IL1RAP: variants seen among roughly 807,000 people sequenced by gnomAD.
IL1RAP encodes interleukin-1 receptor accessory protein.
Under a neutral mutation model 60.7 loss-of-function variants are expected in IL1RAP, and 35 were observed. The ratio of observed to expected loss-of-function variants is 0.58; its 90% CI spans 0.44 to 0.76. The LOEUF is 0.76. Ranked by LOEUF, IL1RAP falls within the 30% of genes least tolerant of loss-of-function variation. The pLI is 0.00. For missense variants in IL1RAP, 572 were observed against 693.9 expected (o/e 0.82, Z 1.97); for synonymous variants, 268 against 250.9 (o/e 1.07, Z -0.64).
chr3:190,612,266 TA>T (rs1205904593), intron 5 of IL1RAP, among the ~76,000 whole-genome samples: 2 of 152,034 alleles, frequency 1.3e-5, no homozygotes, highest in Non-Finnish European at 2.9e-5. Context: ...AAAAGATGGT[TA>T]AAAAATAATA....
At chr3:190,656,503 A>T (rs1560251996), downstream of IL1RAP, 2 of 1,537,162 alleles carry the variant, frequency 1.3e-6, no homozygotes, top group South Asian at 1.2e-5. Context: ...AACTCAATGG[A>T]TACAAAATGG....
intron 9 of IL1RAP, among the ~76,000 whole-genome samples, chr3:190,632,088 C>G (rs1349134218): frequency 6.6e-6 from 1 of 152,014 alleles, no homozygotes; most frequent in Non-Finnish European, 1.5e-5. Flanking sequence ...CAGGTGTGAG[C>G]CACCACGCCC....
intron 1 of IL1RAP, among the ~76,000 whole-genome samples, chr3:190,520,763 C>A (rs529077371): frequency 9.2e-5 from 14 of 152,312 alleles, no homozygotes; most frequent in African/African-American, 3.4e-4. Context: ...TTCTACCTTT[C>A]TGGCACAAAA....
At chr3:190,621,804 G>A (rs1394624483) in intron 6 of IL1RAP, among the ~76,000 whole-genome samples, 2 of 141,688 alleles carry the variant, frequency 1.4e-5, no homozygotes, top group African/African-American at 2.9e-5. Context: ...GAAAAACCAA[G>A]TAACTTTGCT....
In IL1RAP at chr3:190,577,615, C is replaced by T. The variant is rs77906786; in HGVS notation, c.64+13262C>T. 2.9e-3 allele frequency among the ~76,000 whole-genome samples: 449 copies of T among 152,286 alleles called. 3 individuals are homozygous for T. Among genetic ancestry groups the T allele is most frequent in the African/African-American group, 0.01 (431 of 41,554 alleles). On this transcript the variant is annotated intron_variant, in intron 3 of 11. Transcript: ENST00000447382. Reference sequence around the variant, plus strand: ...TAGGCTAGAGTGCTCACTGCAGCCTCAAATTCCTGTGCTCAAGAGGTTCTC... The same window carrying T: ...TAGGCTAGAGTGCTCACTGCAGCCTTAAATTCCTGTGCTCAAGAGGTTCTC...
chr3:190,564,105 CA>C (rs753280949), intron 2 of IL1RAP, 183 bp from the exon 3 acceptor site: 2 of 564,208 alleles, frequency 3.5e-6, no homozygotes, highest in Non-Finnish European at 6.4e-6. Flanking sequence ...AAACAAACAA[CA>C]AAAAAACAGA....
At chr3:190,517,370 A>G (rs1291768307) in intron 1 of IL1RAP, among the ~76,000 whole-genome samples, 2 of 152,170 alleles carry the variant, frequency 1.3e-5, no homozygotes, top group Admixed American at 1.3e-4. Context: ...ATGAGTGTCC[A>G]TGGCATTATT....
intron 1 of IL1RAP, among the ~76,000 whole-genome samples, chr3:190,534,598 C>T (rs1023278014): frequency 6.6e-6 from 1 of 152,088 alleles, no homozygotes; most frequent in African/African-American, 2.4e-5. Flanking sequence ...CTTCTGGGCC[C>T]GAGTAGCTGT....
At chr3:190,516,677 T>C (rs779876275) in intron 1 of IL1RAP, among the ~76,000 whole-genome samples, 5 of 152,170 alleles carry the variant, frequency 3.3e-5, no homozygotes, top group African/African-American at 4.8e-5. Flanking sequence ...TTGGGTGATA[T>C]TGAGCAGTTT....
intron 3 of IL1RAP, among the ~76,000 whole-genome samples, chr3:190,582,810 C>A (rs1165682697): frequency 6.6e-6 from 1 of 152,296 alleles, no homozygotes; most frequent in African/African-American, 2.4e-5. Context: ...CTTACAGCGG[C>A]CTATATGCTC....
intron 9 of IL1RAP, among the ~76,000 whole-genome samples, chr3:190,639,249 C>T (rs1733468341): frequency 6.6e-6 from 1 of 152,006 alleles, no homozygotes; most frequent in Non-Finnish European, 1.5e-5. Flanking sequence ...TTTAGTACTC[C>T]AGCTGAAATT....
intron 9 of IL1RAP, among the ~76,000 whole-genome samples, chr3:190,634,716 TTTGTTGTTG>T (rs1303471698): frequency 7.0e-6 from 1 of 142,472 alleles, no homozygotes; most frequent in African/African-American, 2.9e-5. Context: ...TGTTTTTTTT[TTTGTTGTTG>T]TTTTTTTTGA....
intron 1 of IL1RAP, among the ~76,000 whole-genome samples, chr3:190,532,775 C>A (rs942603045): frequency 6.6e-6 from 1 of 150,840 alleles, no homozygotes; most frequent in African/African-American, 2.4e-5. Flanking sequence ...TTATAACAGG[C>A]GTTTAGTTAG....
chr3:190,645,618 T>A (rs1733960787), intron 10 of IL1RAP, 81 bp from the exon 11 acceptor site: 2 of 1,132,250 alleles, frequency 1.8e-6, no homozygotes, highest in Non-Finnish European at 2.6e-6. Flanking sequence ...ATGTCTAATA[T>A]GCAGAAGTTA....
chr3:190,627,472 A>T, intron 8 of IL1RAP, 23 bp downstream of exon 8: 1 of 1,603,692 alleles, frequency 6.2e-7, no homozygotes. Context: ...CCAGCAAGGG[A>T]GTGATTAACC....
At chr3:190,544,617 A>C (rs1319873917) in intron 1 of IL1RAP, among the ~76,000 whole-genome samples, 1 of 152,132 alleles carries the variant, frequency 6.6e-6, no homozygotes. Flanking sequence ...TACACAGTCA[A>C]ACTCCACCTC....
exon 12 of IL1RAP, chr3:190,658,335 G>T (rs1734681895): frequency 6.6e-6 from 1 of 152,174 alleles, no homozygotes; most frequent in Admixed American, 6.5e-5. Flanking sequence ...TGGAATTTTA[G>T]TGTCCCTGAT....
intron 7 of IL1RAP, among the ~76,000 whole-genome samples, chr3:190,623,641 C>G (rs1731972878): frequency 6.6e-6 from 1 of 152,222 alleles, no homozygotes; most frequent in South Asian, 2.1e-4. Flanking sequence ...CCTTCTCCCT[C>G]TGCTAGCCGT....
chr3:190,616,012 AC>A (rs1275482568), intron 5 of IL1RAP, among the ~76,000 whole-genome samples: 1 of 152,142 alleles, frequency 6.6e-6, no homozygotes, highest in Non-Finnish European at 1.5e-5. Context: ...GAGAGTATGT[AC>A]CATATTTTCT....
Sources: gnomAD v4.1 joint callset for allele counts (sites outside exome capture counted in the v4.1 genomes callset) on GRCh38, gnomAD v4.1.1 for gene constraint, MANE v1.5 for transcripts, NCBI Gene and HGNC (gene_info 2026-07-23, HGNC 2026-07-21) for gene names.